LRRC37A2: variants seen among roughly 807,000 people sequenced by gnomAD.
LRRC37A2 encodes leucine-rich repeat-containing protein 37A2.
LRRC37A2 carries 9 observed loss-of-function variants against 68.8 expected under a neutral mutation model. The ratio of observed to expected loss-of-function variants is 0.13; its 90% CI spans 0.08 to 0.23. The LOEUF (loss-of-function observed/expected upper bound fraction) is 0.23. Among genes scored for constraint, LRRC37A2 ranks in the 10% least tolerant of loss-of-function variants. The pLI, the probability that LRRC37A2 is intolerant of heterozygous loss-of-function variation, is 1.00. For synonymous variants in LRRC37A2, 63 were observed against 367.6 expected, an observed-to-expected ratio of 0.17 and a Z score of 9.48; for missense variants, 168 against 950.4, an observed-to-expected ratio of 0.18 and a Z score of 10.82.
chr17:46,499,338 T>TG, the LRRC37A2 span, among the ~76,000 whole-genome samples: 27 of 118,788 alleles, frequency 2.3e-4, no homozygotes, highest in Non-Finnish European at 3.6e-4. Flanking sequence ...AAAAAAAAGG[T>TG]GGGGGGACAA....
the LRRC37A2 span, chr17:46,768,609 C>A: frequency 6.2e-7 from 1 of 1,614,130 alleles, no homozygotes; most frequent in Non-Finnish European, 8.5e-7. The surrounding 1 kb of genome is among the most constrained non-coding windows in gnomAD (Gnocchi z 5.0). Flanking sequence ...GTACTTGGCC[C>A]GGAGGGTCTC....
chr17:46,783,980 G>T, the LRRC37A2 span, among the ~76,000 whole-genome samples: 1 of 152,220 alleles, frequency 6.6e-6, no homozygotes, highest in African/African-American at 2.4e-5. Flanking sequence ...GCTGGGAGGC[G>T]GGGTTGACGT....
the LRRC37A2 span, chr17:46,941,856 G>C: frequency 1.2e-6 from 1 of 867,460 alleles, no homozygotes; most frequent in Non-Finnish European, 1.4e-6. Context: ...AAAGTTCTAG[G>C]GTTACAGGTG....
At chr17:46,848,181 A>G in the LRRC37A2 span, among the ~76,000 whole-genome samples, 1 of 152,050 alleles carries the variant, frequency 6.6e-6, no homozygotes, top group African/African-American at 2.4e-5. Flanking sequence ...CCCATGGGGG[A>G]ACAGTGGGGG....
At chr17:46,983,182 A>G in the LRRC37A2 span, among the ~76,000 whole-genome samples, 1 of 149,526 alleles carries the variant, frequency 6.7e-6, no homozygotes, top group South Asian at 2.1e-4. Flanking sequence ...GCCATTGTCT[A>G]TTTGCATATT....
At chr17:46,568,446 G>A in the LRRC37A2 span, among the ~76,000 whole-genome samples, 777 of 127,174 alleles carry the variant, frequency 6.1e-3, 77 homozygotes, top group Middle Eastern at 0.026. Context: ...CAAGTTAGAT[G>A]GCACTATAAT....
chr17:46,994,753 G>A, the LRRC37A2 span, among the ~76,000 whole-genome samples: 1 of 152,024 alleles, frequency 6.6e-6, no homozygotes, highest in Non-Finnish European at 1.5e-5. Flanking sequence ...CTGCCAATGA[G>A]CAGACTAACC....
chr17:46,974,275 C>T, the LRRC37A2 span, among the ~76,000 whole-genome samples: 1 of 151,920 alleles, frequency 6.6e-6, no homozygotes, highest in Non-Finnish European at 1.5e-5. Context: ...ATCCGTTGCT[C>T]ACCCAGTGCC....
At chr17:46,715,994 T>C in the LRRC37A2 span, among the ~76,000 whole-genome samples, 2 of 152,160 alleles carry the variant, frequency 1.3e-5, no homozygotes, top group East Asian at 3.8e-4. Context: ...TGGTTTTCCT[T>C]GGGGGAAAAA....
At chr17:46,808,800 A>T in the LRRC37A2 span, among the ~76,000 whole-genome samples, 8 of 152,176 alleles carry the variant, frequency 5.3e-5, no homozygotes, top group Non-Finnish European at 1.2e-4. Flanking sequence ...TGGAACTGGG[A>T]TTAAAAAAAA....
At chr17:46,718,178 G>A in the LRRC37A2 span, among the ~76,000 whole-genome samples, 63 of 152,144 alleles carry the variant, frequency 4.1e-4, no homozygotes, top group Admixed American at 1.1e-3. Flanking sequence ...GAGAACCTTG[G>A]TGTTTGCTCT....
the LRRC37A2 span, among the ~76,000 whole-genome samples, chr17:46,788,782 C>T: frequency 6.6e-6 from 1 of 152,098 alleles, no homozygotes; most frequent in African/African-American, 2.4e-5. Context: ...CTTTCCCTGC[C>T]CTCAGCAGCC....
chr17:46,872,796 G>T, the LRRC37A2 span: 1 of 1,369,820 alleles, frequency 7.3e-7, no homozygotes, highest in South Asian at 1.2e-5. Context: ...GCTAGGGGAC[G>T]GGGAGGGCTG....
chr17:47,020,803 A>AAAAAAAAAAAAAAAAAAG, the LRRC37A2 span, among the ~76,000 whole-genome samples: 1 of 145,940 alleles, frequency 6.9e-6, no homozygotes, highest in Non-Finnish European at 1.5e-5. Context: ...AAAAAAAAAA[A>AAAAAAAAAAAAAAAAAAG]AAATAGGAGG....
the LRRC37A2 span, among the ~76,000 whole-genome samples, chr17:46,839,250 AGCTCTGAACTCAT>A: frequency 1.3e-5 from 2 of 152,244 alleles, no homozygotes; most frequent in African/African-American, 4.8e-5. Flanking sequence ...TTATTCTATT[AGCTCTGAACTCAT>A]GCTAATATGT....
the LRRC37A2 span, among the ~76,000 whole-genome samples, chr17:46,812,720 AG>A: frequency 6.6e-6 from 1 of 152,196 alleles, no homozygotes; most frequent in Admixed American, 6.5e-5. Context: ...GGCAAAAAGA[AG>A]AAAAGGGGAA....
intron 6 of LRRC37A2, among the ~76,000 whole-genome samples, chr17:46,525,328 C>T (rs1302472091): frequency 1.0e-5 from 1 of 97,206 alleles, no homozygotes; most frequent in East Asian, 2.8e-4. Context: ...AGCGGTGGCT[C>T]ATGCCTGTAA....
chr17:46,918,056 C>T, the LRRC37A2 span, among the ~76,000 whole-genome samples: 5 of 152,116 alleles, frequency 3.3e-5, no homozygotes, highest in African/African-American at 9.7e-5. Flanking sequence ...TTCACGAGTC[C>T]ATGAATTTTA....
chr17:46,749,459 C>G, the LRRC37A2 span, among the ~76,000 whole-genome samples: 1 of 152,176 alleles, frequency 6.6e-6, no homozygotes, highest in African/African-American at 2.4e-5. Context: ...GCCATGTTGG[C>G]TCTGAGGAAG....
Sources: gnomAD v4.1 joint callset for allele counts (sites outside exome capture counted in the v4.1 genomes callset) on GRCh38, gnomAD v4.1.1 for gene constraint, Gnocchi (gnomAD v3.1) non-coding constraint, MANE v1.5 for transcripts, NCBI Gene and HGNC (gene_info 2026-07-23, HGNC 2026-07-21) for gene names.